The following HCN1 variants were observed in gnomAD, a reference collection of about 807,000 sequenced individuals.
HCN1 encodes the protein hyperpolarization activated cyclic nucleotide gated potassium channel 1, also known as potassium/sodium hyperpolarization-activated cyclic nucleotide-gated channel 1.
Under a neutral mutation model 78.9 loss-of-function variants are expected in HCN1, and 13 were observed. The observed-to-expected ratio is 0.16, with a 90% confidence interval of 0.11 to 0.26. The LOEUF (loss-of-function observed/expected upper bound fraction) is 0.26, where lower values mean the gene tolerates loss of function less well. HCN1 is among the 10% of genes least tolerant of loss of function. The probability of loss-of-function intolerance (pLI) is 1.00; values close to 1 mark genes in which losing one functional copy is unlikely to be tolerated. For synonymous variants in HCN1, 552 were observed against 455.5 expected (o/e 1.21, Z -2.70); for missense variants, 810 against 1,154.3 (o/e 0.70, Z 4.32).
In HCN1 at chr5:45,695,778, C is replaced by T. The variant is rs1580054993; in HGVS notation, c.316G>A (p.Val106Ile). 1 of 1,611,896 alleles carries T rather than the reference C, an allele frequency of 6.2e-7. No homozygotes were observed. Among genetic ancestry groups the T allele is most frequent in the South Asian group, 1.1e-5 (1 of 91,078 alleles). ...RQFTSMLQPGVNKFSLRMFGS... is the reference protein window; with the variant it reads ...RQFTSMLQPGINKFSLRMFGS... ...AACATGCGGAGGGAGAATTTGTTGACCCCGGGCTGCAGCATGGAGGTGAAC... is the reference window on the plus strand; with the variant it reads ...AACATGCGGAGGGAGAATTTGTTGATCCCGGGCTGCAGCATGGAGGTGAAC... Residue 106 changes from valine (V) to isoleucine (I), a missense_variant, in exon 1 of 8, where the codon GTC becomes ATC. By Grantham distance (29) the Val-to-Ile change is conservative. Transcript: ENST00000303230.
In HCN1 at chr5:45,474,693, A is replaced by G. The variant is rs1486408712; in HGVS notation, c.850-12686T>C. On this transcript the variant is annotated intron_variant, in intron 2 of 7. Coordinates refer to ENST00000303230, the MANE Select transcript of HCN1 (RefSeq NM_021072.4). ...TCTACTTCTCAGTTTTTTAGCCTAC[A>G]TATTTATTTTCTTTTGGTAATTTTA... Among the ~76,000 whole-genome samples the G allele has an allele frequency of 3.3e-5, 5 of 151,870 alleles. 1 individual carries two copies. Among genetic ancestry groups the G allele is most frequent in the Admixed American group, 3.3e-4 (5 of 15,198 alleles).
intron 2 of HCN1, among the ~76,000 whole-genome samples, chr5:45,489,545 G>T (rs1439946708): frequency 6.6e-6 from 1 of 152,120 alleles, no homozygotes; most frequent in Non-Finnish European, 1.5e-5. Context: ...TCTAATTCAT[G>T]ACAATAAAGT....
chr5:45,588,019 C>T (rs1744270997), intron 2 of HCN1, among the ~76,000 whole-genome samples: 1 of 152,068 alleles, frequency 6.6e-6, no homozygotes, highest in Non-Finnish European at 1.5e-5. Flanking sequence ...CATGAGGGCA[C>T]CCTGATCTCA....
intron 5 of HCN1, among the ~76,000 whole-genome samples, chr5:45,351,617 A>C (rs1305760390): frequency 1.5e-5 from 2 of 131,906 alleles, no homozygotes; most frequent in African/African-American, 6.8e-5. Context: ...AAATTTTCGC[A>C]ACCTACTCAT....
chr5:45,426,085 AG>A (rs1421890011), intron 3 of HCN1, among the ~76,000 whole-genome samples: 29 of 152,170 alleles, frequency 1.9e-4, no homozygotes, highest in Admixed American at 1.3e-3. Context: ...CTCTTAAAGT[AG>A]GGTTTCATCT....
intron 2 of HCN1, among the ~76,000 whole-genome samples, chr5:45,578,606 C>T (rs933340422): frequency 2.0e-5 from 3 of 151,942 alleles, no homozygotes; most frequent in East Asian, 1.9e-4. Flanking sequence ...CTCAACAGTA[C>T]GGAGCATTCA....
chr5:45,426,210 T>A (rs565957272), intron 3 of HCN1, among the ~76,000 whole-genome samples: 2 of 152,216 alleles, frequency 1.3e-5, no homozygotes, highest in African/African-American at 4.8e-5. Flanking sequence ...GTATGGTGAA[T>A]ACCTTTTTGT....
At chr5:45,409,821 T>G (rs929961038) in intron 3 of HCN1, among the ~76,000 whole-genome samples, 1 of 151,804 alleles carries the variant, frequency 6.6e-6, no homozygotes, top group African/African-American at 2.4e-5. Flanking sequence ...AGAATCTCCA[T>G]GATTATAAGA....
At chr5:45,358,832 T>C (rs1159893144) in intron 4 of HCN1, among the ~76,000 whole-genome samples, 3 of 152,124 alleles carry the variant, frequency 2.0e-5, no homozygotes. Flanking sequence ...TGTCCATGTC[T>C]AGGAAAGATT....
chr5:45,508,218 T>C (rs1014539440), intron 2 of HCN1, among the ~76,000 whole-genome samples: 3 of 152,150 alleles, frequency 2.0e-5, no homozygotes, highest in African/African-American at 7.2e-5. Flanking sequence ...AAGTTCATCA[T>C]ATTTTTCTCC....
intron 1 of HCN1, among the ~76,000 whole-genome samples, chr5:45,668,153 C>A (rs1746086533): frequency 6.6e-6 from 1 of 151,776 alleles, no homozygotes; most frequent in African/African-American, 2.4e-5. Context: ...TCCTTATATG[C>A]CTAAGAGTAG....
chr5:45,303,627 C>T lies in HCN1; in HGVS notation c.1590G>A (p.Met530Ile). The change falls in exon 6 of 8, where the codon ATG becomes ATA. Residue 530 changes from methionine to isoleucine, a missense_variant. Met to Ile is a conservative substitution (Grantham distance 10). Coordinates refer to ENST00000303230, the MANE Select transcript of HCN1 (RefSeq NM_021072.4). ...AGVITKSSKE[M>I]KLTDGSYFGE... ...CAAAGTAAGAGCCATCTGTCAGCTT[C>T]ATTTCTTTACTGGATTTTGTAATGA... is the stretch of plus-strand genomic sequence containing the variant. The T allele has an allele frequency of 6.2e-7, 1 of 1,613,410 alleles. No homozygotes were observed. Among genetic ancestry groups the T allele is most frequent in the Non-Finnish European group, 8.5e-7 (1 of 1,179,652 alleles).
intron 5 of HCN1, among the ~76,000 whole-genome samples, chr5:45,350,287 C>G (rs954655103): frequency 1.6e-4 from 25 of 152,122 alleles, no homozygotes; most frequent in African/African-American, 4.6e-4. Flanking sequence ...ATGATTATCT[C>G]AATAGATGCA....
intron 2 of HCN1, among the ~76,000 whole-genome samples, chr5:45,593,324 T>TCTCC (rs1554034724): frequency 2.4e-4 from 28 of 119,076 alleles, no homozygotes; most frequent in African/African-American, 8.3e-4. Context: ...TCTCTCTCCC[T>TCTCC]CTCTCTCTCT....
chr5:45,688,711 C>T (rs550267996), intron 1 of HCN1, among the ~76,000 whole-genome samples: 16 of 151,828 alleles, frequency 1.1e-4, no homozygotes, highest in African/African-American at 3.6e-4. Context: ...TTTACAATAA[C>T]CAAAAAGCAG....
At chr5:45,488,215 T>C (rs1258534314) in intron 2 of HCN1, among the ~76,000 whole-genome samples, 2 of 152,246 alleles carry the variant, frequency 1.3e-5, no homozygotes, top group Middle Eastern at 3.4e-3. Context: ...AATTCTCTTA[T>C]GCTTCTTTTA....
At chr5:45,292,150 TGGGC>T (rs1745390863) in intron 6 of HCN1, among the ~76,000 whole-genome samples, 3 of 152,028 alleles carry the variant, frequency 2.0e-5, no homozygotes, top group Non-Finnish European at 4.4e-5. Flanking sequence ...AGGGATATAT[TGGGC>T]TTAACATGGA....
chr5:45,665,026 T>A (rs1382043961), intron 1 of HCN1, among the ~76,000 whole-genome samples: 2 of 151,290 alleles, frequency 1.3e-5, no homozygotes, highest in African/African-American at 4.9e-5. Context: ...CTATTCACAA[T>A]AGCAAAGACT....
At chr5:45,656,822 T>C (rs1043060727) in intron 1 of HCN1, among the ~76,000 whole-genome samples, 2 of 152,152 alleles carry the variant, frequency 1.3e-5, no homozygotes, top group Non-Finnish European at 2.9e-5. Context: ...ATAATCAACC[T>C]CTACTTATTT....
Sources: gnomAD v4.1 joint callset for allele counts (sites outside exome capture counted in the v4.1 genomes callset) on GRCh38, gnomAD v4.1.1 for gene constraint, MANE v1.5 for transcripts, NCBI Gene and HGNC (gene_info 2026-07-23, HGNC 2026-07-21) for gene names.